ACTR3C: variants seen among roughly 807,000 people sequenced by gnomAD.
The protein encoded by ACTR3C is actin related protein 3C.
A neutral mutation model predicts 26.3 loss-of-function variants in ACTR3C; 18 were observed. That is an observed-to-expected ratio of 0.68 (90% confidence interval 0.47 to 1.01). The LOEUF is 1.01. Ranked by LOEUF, ACTR3C falls within the 50% of genes least tolerant of loss-of-function variation. The probability of loss-of-function intolerance (pLI) is 0.00; values close to 1 mark genes in which losing one functional copy is unlikely to be tolerated. For missense variants in ACTR3C, 184 were observed against 250.7 expected (o/e 0.73, Z 1.80); for synonymous variants, 55 against 94.5 (o/e 0.58, Z 2.42).
the ACTR3C span, among the ~76,000 whole-genome samples, chr7:149,922,214 TG>T: frequency 7.5e-6 from 1 of 134,132 alleles, no homozygotes; most frequent in Non-Finnish European, 1.7e-5. Context: ...CTAAATCCTT[TG>T]TTCTGGGTGT....
the ACTR3C span, among the ~76,000 whole-genome samples, chr7:150,082,038 A>G: frequency 6.6e-6 from 1 of 152,074 alleles, no homozygotes; most frequent in Non-Finnish European, 1.5e-5. Context: ...TGCCCTTAGC[A>G]ATGGGAACTG....
At chr7:150,194,921 C>T in the ACTR3C span, among the ~76,000 whole-genome samples, 1 of 151,830 alleles carries the variant, frequency 6.6e-6, no homozygotes, top group South Asian at 2.1e-4. Context: ...TGGTGAAACA[C>T]CATCTGTATT....
At chr7:150,321,675 G>A (rs574707820) in intron 1 of ACTR3C, among the ~76,000 whole-genome samples, 1 of 152,288 alleles carries the variant, frequency 6.6e-6, no homozygotes, top group South Asian at 2.1e-4. Flanking sequence ...AGGAGGTGGA[G>A]GTTGCAGTGA....
At chr7:149,954,393 C>A in the ACTR3C span, among the ~76,000 whole-genome samples, 1 of 152,100 alleles carries the variant, frequency 6.6e-6, no homozygotes. Context: ...TCCCCTGCCC[C>A]CAACCTAACA....
At chr7:150,125,256 ATTT>A in the ACTR3C span, among the ~76,000 whole-genome samples, 103 of 143,064 alleles carry the variant, frequency 7.2e-4, 4 homozygotes, top group South Asian at 0.022. Context: ...TCATTGCAGT[ATTT>A]TTTTTTTTTT....
rs1309694237 is a variant in ACTR3C, at chr7:150,281,970, G to GA, written c.564+2782dup. On this transcript the variant is annotated intron_variant, in intron 6 of 7. Coordinates refer to ENST00000683684, the MANE Select transcript of ACTR3C (RefSeq NM_001164458.2). ...ACTCCCGGTCTCATATCACCATGGGGAAAAAAAACACTACAGCAGCTGTTA... is the reference window on the plus strand; with the variant it reads ...ACTCCCGGTCTCATATCACCATGGGGAAAAAAAAACACTACAGCAGCTGTTA... 7.7e-4 allele frequency among the ~76,000 whole-genome samples: 109 copies of GA among 142,068 alleles called. 2 individuals carry two copies. Among genetic ancestry groups the GA allele is most frequent in the African/African-American group, 2.8e-3 (100 of 35,764 alleles). The allele number at this position is 142,068 out of a possible 152,430, so 93.2% of individuals were successfully genotyped here.
At chr7:150,083,526 C>A in the ACTR3C span, among the ~76,000 whole-genome samples, 3 of 152,030 alleles carry the variant, frequency 2.0e-5, no homozygotes, top group Non-Finnish European at 4.4e-5. Context: ...ATGATTGCAC[C>A]ACTTCACTCC....
At chr7:149,926,272 T>A in the ACTR3C span, among the ~76,000 whole-genome samples, 1 of 152,256 alleles carries the variant, frequency 6.6e-6, no homozygotes, top group Non-Finnish European at 1.5e-5. Flanking sequence ...ATATTCCCTA[T>A]GTGCAGAAGA....
chr7:150,284,485 A>T (rs1311605228), intron 6 of ACTR3C, among the ~76,000 whole-genome samples: 1 of 152,096 alleles, frequency 6.6e-6, no homozygotes, highest in Non-Finnish European at 1.5e-5. Flanking sequence ...GGCGGAGGTT[A>T]TAGTGAGCTG....
intron 1 of ACTR3C, among the ~76,000 whole-genome samples, chr7:150,299,464 CAAAAA>C (rs759969034): frequency 2.1e-4 from 3 of 14,114 alleles, no homozygotes; most frequent in African/African-American, 6.6e-4. Flanking sequence ...GACCCCCTCT[CAAAAA>C]AAAAAAAAAA....
the ACTR3C span, among the ~76,000 whole-genome samples, chr7:149,962,274 G>A: frequency 5.3e-5 from 8 of 152,172 alleles, no homozygotes; most frequent in South Asian, 4.1e-4. Flanking sequence ...GGAAGTGTAC[G>A]CTCAAAGGAA....
the ACTR3C span, among the ~76,000 whole-genome samples, chr7:150,195,962 T>C: frequency 5.2e-4 from 79 of 152,368 alleles, no homozygotes; most frequent in African/African-American, 1.8e-3. Flanking sequence ...ATAATTCTTA[T>C]CTTTGTTCTC....
At chr7:149,951,804 C>G in the ACTR3C span, among the ~76,000 whole-genome samples, 5,142 of 142,162 alleles carry the variant, frequency 0.036, 354 homozygotes, top group African/African-American at 0.14. Context: ...AAACAACTGG[C>G]AGATGGTGTG....
At chr7:150,266,150 C>T (rs1489648374) in intron 6 of ACTR3C, among the ~76,000 whole-genome samples, 1 of 147,982 alleles carries the variant, frequency 6.8e-6, no homozygotes, top group Non-Finnish European at 1.5e-5. Context: ...AAAAATTATT[C>T]AGTAGGGTAT....
At chr7:150,143,278 A>G in the ACTR3C span, among the ~76,000 whole-genome samples, 1 of 152,118 alleles carries the variant, frequency 6.6e-6, no homozygotes, top group Non-Finnish European at 1.5e-5. Flanking sequence ...CAAAATCAAG[A>G]GGGATGAAGT....
At chr7:150,036,973 C>T in the ACTR3C span, among the ~76,000 whole-genome samples, 5 of 69,160 alleles carry the variant, frequency 7.2e-5, no homozygotes, top group South Asian at 4.3e-4. Context: ...GCTCTCAGTC[C>T]CTGCCTCGCG....
the ACTR3C span, among the ~76,000 whole-genome samples, chr7:150,095,611 C>A: frequency 3.4e-5 from 5 of 146,932 alleles, no homozygotes; most frequent in Non-Finnish European, 7.4e-5. Context: ...GGTCATGAAA[C>A]AAAGTCCTAT....
At chr7:150,014,574 G>A in the ACTR3C span, among the ~76,000 whole-genome samples, 2 of 152,078 alleles carry the variant, frequency 1.3e-5, no homozygotes, top group Non-Finnish European at 2.9e-5. Flanking sequence ...CATTAAGGGA[G>A]TTCTAGGCGG....
chr7:149,956,895 T>C, the ACTR3C span, among the ~76,000 whole-genome samples: 1 of 152,222 alleles, frequency 6.6e-6, no homozygotes, highest in African/African-American at 2.4e-5. Context: ...TACTCCTTGA[T>C]GCTTTAAATT....
Sources: gnomAD v4.1 joint callset for allele counts (sites outside exome capture counted in the v4.1 genomes callset) on GRCh38, gnomAD v4.1.1 for gene constraint, MANE v1.5 for transcripts, NCBI Gene and HGNC (gene_info 2026-07-23, HGNC 2026-07-21) for gene names.